The following ADAMTSL1 variants were observed in gnomAD, a reference collection of about 807,000 sequenced individuals.
The protein encoded by ADAMTSL1 is ADAMTS-like protein 1.
ADAMTSL1 carries 126 observed loss-of-function variants against 201.8 expected under a neutral mutation model. The ratio of observed to expected loss-of-function variants is 0.62; its 90% CI spans 0.54 to 0.72. ADAMTSL1 has a LOEUF of 0.72. Among genes scored for constraint, ADAMTSL1 ranks in the 30% least tolerant of loss-of-function variants. The pLI is 0.00. For missense variants in ADAMTSL1, 2,679 were observed against 2,277.8 expected (o/e 1.18, Z -3.59); for synonymous variants, 1,121 against 903.4 (o/e 1.24, Z -4.32).
intron 2 of ADAMTSL1, among the ~76,000 whole-genome samples, chr9:18,297,794 C>G (rs7035042): frequency 0.011 from 1,671 of 152,332 alleles, 33 homozygotes; most frequent in African/African-American, 0.038. Flanking sequence ...AAAAGACTTA[C>G]TATCTCTTGG....
chr9:18,670,981 C>A (rs1247879688), intron 9 of ADAMTSL1, among the ~76,000 whole-genome samples: 1 of 151,252 alleles, frequency 6.6e-6, no homozygotes, highest in African/African-American at 2.4e-5. Context: ...TTTAAATCAT[C>A]TCTAGATTAT....
intron 2 of ADAMTSL1, among the ~76,000 whole-genome samples, chr9:18,208,422 A>C (rs527438570): frequency 6.6e-6 from 1 of 152,192 alleles, no homozygotes; most frequent in East Asian, 1.9e-4. Context: ...TGTGAGTTGC[A>C]CCTGCAGCCC....
intron 20 of ADAMTSL1, among the ~76,000 whole-genome samples, chr9:18,803,562 T>G (rs958179847): frequency 2.0e-5 from 3 of 152,192 alleles, no homozygotes; most frequent in African/African-American, 4.8e-5. Flanking sequence ...CGCCCACCTG[T>G]CTGAAGGGCA....
At chr9:18,322,877 A>C (rs934019105) in intron 2 of ADAMTSL1, among the ~76,000 whole-genome samples, 1 of 152,246 alleles carries the variant, frequency 6.6e-6, no homozygotes, top group Non-Finnish European at 1.5e-5. Flanking sequence ...AAATAAATAG[A>C]AAATATCAAT....
intron 5 of ADAMTSL1, among the ~76,000 whole-genome samples, chr9:18,629,123 T>G (rs1826579202): frequency 6.6e-6 from 1 of 152,222 alleles, no homozygotes; most frequent in South Asian, 2.1e-4. Context: ...GTAAACTTGA[T>G]ACACTCACTC....
intron 23 of ADAMTSL1, among the ~76,000 whole-genome samples, chr9:18,878,043 A>G (rs527592636): frequency 8.5e-5 from 13 of 152,248 alleles, no homozygotes; most frequent in Admixed American, 5.2e-4. Flanking sequence ...ACAAGTTGCC[A>G]TGGAAGTGGG....
At position 18,509,047 on chromosome 9, in the gene ADAMTSL1, G is replaced by A. The variant is rs550001591; in HGVS notation, c.191+4091G>A. Among the ~76,000 whole-genome samples the A allele has an allele frequency of 6.1e-5, 8 of 131,036 alleles. No homozygotes were observed. In the East Asian group the frequency reaches 1.4e-3, roughly 23 times the overall value. The allele number at this position is 131,036 out of a possible 152,430, so 86.0% of individuals were successfully genotyped here. On this transcript the variant is annotated intron_variant, in intron 2 of 28. Coordinates refer to ENST00000380548, the MANE Select transcript of ADAMTSL1 (RefSeq NM_001040272.6). ...AAAATACAAAAAATTAGCCGGGCGC[G>A]GTGGCGGGCGCCTGTAGTCCCAGCT...
chr9:18,023,570 C>T (rs975171133), intron 1 of ADAMTSL1, among the ~76,000 whole-genome samples: 3 of 152,192 alleles, frequency 2.0e-5, no homozygotes, highest in African/African-American at 7.2e-5. Flanking sequence ...CTGAAACTTA[C>T]ATTCCCGTGG....
intron 1 of ADAMTSL1, among the ~76,000 whole-genome samples, chr9:17,921,556 T>C (rs1016903517): frequency 1.3e-5 from 2 of 152,230 alleles, no homozygotes; most frequent in East Asian, 1.9e-4. Flanking sequence ...TTATTCTCTT[T>C]AATTTCTATT....
At chr9:17,992,106 G>T (rs1023930421) in intron 1 of ADAMTSL1, among the ~76,000 whole-genome samples, 4 of 152,004 alleles carry the variant, frequency 2.6e-5, no homozygotes, top group African/African-American at 9.7e-5. Flanking sequence ...ACTTTCTCAC[G>T]GGCCATATAG....
At chr9:18,616,095 G>T (rs186206024) in intron 4 of ADAMTSL1, among the ~76,000 whole-genome samples, 6 of 152,028 alleles carry the variant, frequency 3.9e-5, no homozygotes, top group African/African-American at 1.4e-4. Context: ...ACGCCATCTC[G>T]GCTCACTGCA....
At chr9:18,432,265 T>C (rs1356484421) in intron 2 of ADAMTSL1, among the ~76,000 whole-genome samples, 1 of 152,216 alleles carries the variant, frequency 6.6e-6, no homozygotes, top group African/African-American at 2.4e-5. Context: ...TATCTCTTTA[T>C]ATTGGCATTA....
chr9:18,604,020 A>T (rs1824845208), intron 4 of ADAMTSL1, among the ~76,000 whole-genome samples: 1 of 152,210 alleles, frequency 6.6e-6, no homozygotes, highest in African/African-American at 2.4e-5. Context: ...AAGCAGGCAT[A>T]TTTATCCCTA....
intron 3 of ADAMTSL1, among the ~76,000 whole-genome samples, chr9:18,543,062 G>A (rs1820246441): frequency 6.6e-6 from 1 of 152,118 alleles, no homozygotes; most frequent in South Asian, 2.1e-4. Flanking sequence ...TCAGGTCTCT[G>A]GCAACTATCA....
chr9:18,560,460 T>A (rs997769886), intron 3 of ADAMTSL1, among the ~76,000 whole-genome samples: 1 of 152,200 alleles, frequency 6.6e-6, no homozygotes, highest in African/African-American at 2.4e-5. Context: ...GATATTGGCC[T>A]GAAATTTTCT....
intron 1 of ADAMTSL1, among the ~76,000 whole-genome samples, chr9:18,496,761 G>A (rs1047800680): frequency 6.6e-6 from 1 of 152,190 alleles, no homozygotes; most frequent in African/African-American, 2.4e-5. Flanking sequence ...GTGCTTTCCA[G>A]AGCCTCAGAT....
chr9:18,602,948 T>C (rs1824754690), intron 4 of ADAMTSL1, among the ~76,000 whole-genome samples: 1 of 152,186 alleles, frequency 6.6e-6, no homozygotes, highest in African/African-American at 2.4e-5. Context: ...CCATTTTTCT[T>C]CCTTAGATCA....
intron 3 of ADAMTSL1, among the ~76,000 whole-genome samples, chr9:18,560,367 C>T (rs1396612573): frequency 2.0e-5 from 3 of 152,110 alleles, no homozygotes; most frequent in African/African-American, 4.8e-5. Context: ...CCAACTTGTT[C>T]GTGGTGGATA....
chr9:17,924,317 T>A (rs2131300583), intron 1 of ADAMTSL1, among the ~76,000 whole-genome samples: 1 of 152,308 alleles, frequency 6.6e-6, no homozygotes, highest in Admixed American at 6.5e-5. Context: ...GTTATTGGTC[T>A]ATTCAGAGAT....
Sources: allele counts gnomAD v4.1 joint callset (sites outside exome capture counted in the v4.1 genomes callset), GRCh38; gene constraint gnomAD v4.1.1; transcripts MANE v1.5; gene names NCBI Gene and HGNC (gene_info 2026-07-23, HGNC 2026-07-21).